Variants in BORA observed in about 807,000 individuals in gnomAD.
BORA encodes the protein BORA aurora kinase A activator.
Under a neutral mutation model 55.8 loss-of-function variants are expected in BORA, and 26 were observed. That is an observed-to-expected ratio of 0.47 (90% CI 0.34 to 0.65). The LOEUF (loss-of-function observed/expected upper bound fraction) is 0.65, where lower values mean the gene tolerates loss of function less well. BORA is among the 30% of genes least tolerant of loss of function. The pLI, the probability that BORA is intolerant of heterozygous loss-of-function variation, is 0.01. For synonymous variants in BORA, 201 were observed against 216.9 expected, an observed-to-expected ratio of 0.93 and a Z score of 0.64; for missense variants, 568 against 671.5, an observed-to-expected ratio of 0.85 and a Z score of 1.70.
At chr13:72,746,440 T>G (rs1443840494) in intron 9 of BORA, 61 bp from the exon 10 acceptor site, 3 of 1,516,326 alleles carry the variant, frequency 2.0e-6, no homozygotes, top group African/African-American at 1.4e-5. Context: ...TACCATTTAG[T>G]AGTGACTTTT....
intron 10 of BORA, chr13:72,753,049 T>C (rs1048387264): frequency 2.0e-5 from 3 of 152,198 alleles, no homozygotes; most frequent in African/African-American, 4.8e-5. Flanking sequence ...CCTTCTCTAG[T>C]AAAGTATTAG....
chr13:72,744,511 G>C lies in BORA; in HGVS notation c.461G>C (p.Cys154Ser), dbSNP rs2033102476. ...TIHSEKSDAA[C>S]QTLLSLPVDF... ...TTTATTTGCTTGTTTCCAGCTGCTTGTCAGACATTGCTGTCTCTTCCTGTG... is the reference window on the plus strand; with the variant it reads ...TTTATTTGCTTGTTTCCAGCTGCTTCTCAGACATTGCTGTCTCTTCCTGTG... Residue 154 changes from cysteine to serine, a missense_variant, in exon 7 of 12, where the codon TGT becomes TCT. By Grantham distance (112) the Cys-to-Ser change is moderately radical. Transcript: ENST00000390667. 1 of 1,610,384 alleles carries C rather than the reference G, an allele frequency of 6.2e-7. No individual in the cohort carries two copies. Among genetic ancestry groups the C allele is most frequent in the Non-Finnish European group, 8.5e-7 (1 of 1,177,724 alleles).
At chr13:72,733,517 C>T (rs2032860603) in intron 3 of BORA, among the ~76,000 whole-genome samples, 1 of 152,162 alleles carries the variant, frequency 6.6e-6, no homozygotes, top group Non-Finnish European at 1.5e-5. Context: ...CAGTTTCCAG[C>T]AATCACCTGA....
chr13:72,730,886 AC>A (rs1252882752), intron 2 of BORA, among the ~76,000 whole-genome samples: 3 of 91,060 alleles, frequency 3.3e-5, no homozygotes, highest in Non-Finnish European at 7.4e-5. Context: ...CCCCATCTCT[AC>A]TAAAAAAAAA....
At chr13:72,728,115 G>T in intron 1 of BORA, 108 bp downstream of exon 1, 3 of 1,445,746 alleles carry the variant, frequency 2.1e-6, no homozygotes, top group Non-Finnish European at 2.9e-6. Flanking sequence ...AATGGGAGCA[G>T]TCAGGGAGTA....
chr13:72,748,750 CTCTCTCTCTT>C (rs1293004983), intron 10 of BORA, among the ~76,000 whole-genome samples: 6 of 26,130 alleles, frequency 2.3e-4, no homozygotes, highest in Admixed American at 6.6e-4. Flanking sequence ...CTCTCTCTCT[CTCTCTCTCTT>C]TTTTATATAG....
In BORA at chr13:72,746,518, G is replaced by A; in HGVS notation, c.889G>A (p.Val297Ile). Residue 297 changes from valine (V) to isoleucine (I), a missense_variant, in exon 10 of 12, where the codon GTT becomes ATT. By Grantham distance (29) the Val-to-Ile change is conservative (BLOSUM62 3). Transcript: ENST00000390667. Reference sequence around the variant, plus strand: ...CCTTTCAGAACAAAGGAAGTTTACTGTTCATTCTCCTGATGCTTCATCTGG... The same window carrying A: ...CCTTTCAGAACAAAGGAAGTTTACTATTCATTCTCCTGATGCTTCATCTGG... The part of the protein sequence containing the change: ...TPLSEQRKFT[V>I]HSPDASSGTN... The A allele has an allele frequency of 1.2e-6, 2 of 1,611,188 alleles. No individual in the cohort carries two copies. The highest frequency in any genetic ancestry group is 1.7e-6 in the Non-Finnish European group (2 of 1,178,002).
At chr13:72,751,571 G>A (rs2138105583) in intron 10 of BORA, among the ~76,000 whole-genome samples, 1 of 152,294 alleles carries the variant, frequency 6.6e-6, no homozygotes, top group Middle Eastern at 3.4e-3. Context: ...TAGAATAGTG[G>A]TAGGTAGTAG....
In BORA at chr13:72,755,261, A is replaced by G. The variant is rs144607013; in HGVS notation, c.*45A>G. 1.1e-3 allele frequency: 1,608 copies of G among 1,509,304 alleles called. 17 individuals carry two copies. The African/African-American group carries it at 0.018, about 16-fold the overall frequency. 93.5% of individuals were successfully genotyped at this position (1,509,304 alleles called of 1,614,324 possible). A position where few individuals can be genotyped will look rare whatever the true frequency, so the allele number is the denominator to read the frequency against. ...AAGACTAAGCTTAAGAGTTCCTCGC[A>G]TATATCGTTGTGCACAGGATCAACA... On this transcript the variant is annotated 3_prime_UTR_variant, in exon 12 of 12. Transcript: ENST00000390667.
At chr13:72,731,948 T>G (rs1593805287) in intron 3 of BORA, among the ~76,000 whole-genome samples, 1 of 152,232 alleles carries the variant, frequency 6.6e-6, no homozygotes, top group East Asian at 1.9e-4. Flanking sequence ...CAGTCTTATT[T>G]GTTGATGTGT....
chr13:72,730,775 A>G, intron 2 of BORA, among the ~76,000 whole-genome samples: 1 of 151,910 alleles, frequency 6.6e-6, no homozygotes, highest in East Asian at 1.9e-4. Context: ...AAAGAGATAC[A>G]GGCTGGGCGC....
intron 10 of BORA, among the ~76,000 whole-genome samples, chr13:72,749,464 G>A (rs1345096715): frequency 6.6e-6 from 1 of 151,724 alleles, no homozygotes; most frequent in Non-Finnish European, 1.5e-5. Context: ...GCTGCTTCTA[G>A]TGTTCTCTCT....
In BORA at chr13:72,755,502, T is replaced by G. The variant is rs2033435985; in HGVS notation, c.*286T>G. 2.4e-6 allele frequency: 1 copy of G among 415,906 alleles called. No individual in the cohort carries two copies. Among genetic ancestry groups the G allele is most frequent in the African/African-American group, 2.0e-5 (1 of 49,492 alleles). 25.8% of individuals were successfully genotyped at this position (415,906 alleles called of 1,614,324 possible). ...TGTGACAGAGCTGAGTGCTCCTATCTTACAGGGTCAATGAACTACTTATTA... is the reference window on the plus strand; with the variant it reads ...TGTGACAGAGCTGAGTGCTCCTATCGTACAGGGTCAATGAACTACTTATTA... On this transcript the variant is annotated 3_prime_UTR_variant, in exon 12 of 12. Coordinates refer to ENST00000390667, the MANE Select transcript of BORA (RefSeq NM_024808.5).
At chr13:72,748,405 C>G (rs2033195525) in intron 10 of BORA, among the ~76,000 whole-genome samples, 1 of 152,204 alleles carries the variant, frequency 6.6e-6, no homozygotes, top group Non-Finnish European at 1.5e-5. Context: ...AGGCACTCTT[C>G]TAACCACTTT....
rs1190987226 is a variant in BORA at position 72,728,001 on chromosome 13, C to A, written c.-22C>A. 5 of 1,518,080 alleles carry A rather than the reference C, an allele frequency of 3.3e-6. No individual in the cohort carries two copies. The highest frequency in any genetic ancestry group is 3.5e-6 in the Non-Finnish European group (4 of 1,133,756). 94.0% of individuals were successfully genotyped at this position (1,518,080 alleles called of 1,614,324 possible). On this transcript the variant is annotated 5_prime_UTR_variant, in exon 1 of 12. Coordinates refer to ENST00000390667, the MANE Select transcript of BORA (RefSeq NM_024808.5). ...TCGGTACTGGGGGCTTCGTTTTGTA[C>A]GCACCGGTAGGTACGCTCTTTGTGG...
At chr13:72,728,159 C>G (rs2032722464) in intron 1 of BORA, 152 bp downstream of exon 1, 4 of 1,097,418 alleles carry the variant, frequency 3.6e-6, no homozygotes, top group Non-Finnish European at 5.4e-6. Flanking sequence ...AAAGAGTGGC[C>G]ACGTAGGGTT....
chr13:72,729,263 G>C (rs1379460683), intron 2 of BORA, among the ~76,000 whole-genome samples, 170 bp downstream of exon 2: 1 of 145,742 alleles, frequency 6.9e-6, no homozygotes, highest in East Asian at 2.1e-4. Context: ...CTAGTGGTTA[G>C]GTTAATAAGT....
In BORA at chr13:72,744,431, G is replaced by C. The variant is rs2033099493; in HGVS notation, c.455-74G>C. The C allele has an allele frequency of 7.9e-6, 10 of 1,271,668 alleles. No individual in the cohort carries two copies. In the East Asian group the frequency reaches 2.3e-4, roughly 30 times the overall value. 78.8% of individuals were successfully genotyped at this position (1,271,668 alleles called of 1,614,324 possible). On this transcript the variant is annotated intron_variant, in intron 6 of 11. Coordinates refer to ENST00000390667, the MANE Select transcript of BORA (RefSeq NM_024808.5). The stretch of plus-strand genomic sequence containing the variant: ...GGAGATGATTGACTGGGCAGCACAT[G>C]CTGAATTGTATAGTGTATACTTTCA...
intron 3 of BORA, among the ~76,000 whole-genome samples, chr13:72,732,367 A>T (rs2032837184): frequency 6.6e-6 from 1 of 152,180 alleles, no homozygotes; most frequent in Admixed American, 6.5e-5. Flanking sequence ...AAAGGATTTT[A>T]ACTTAAATTT....
Sources: allele counts gnomAD v4.1 joint callset (sites outside exome capture counted in the v4.1 genomes callset), GRCh38; gene constraint gnomAD v4.1.1; transcripts MANE v1.5; gene names NCBI Gene and HGNC (gene_info 2026-07-23, HGNC 2026-07-21).